PGBD5: variants seen among roughly 807,000 people sequenced by gnomAD.
PGBD5 encodes piggyBac transposable element-derived protein 5.
Under a neutral mutation model 47.9 loss-of-function variants are expected in PGBD5, and 14 were observed. The ratio of observed to expected loss-of-function variants is 0.29; its 90% CI spans 0.19 to 0.46. PGBD5 has a LOEUF of 0.46. Among genes scored for constraint, PGBD5 ranks in the 20% least tolerant of loss-of-function variants. The pLI is 1.00. For synonymous variants in PGBD5, 316 were observed against 306.3 expected (o/e 1.03, Z -0.33); for missense variants, 635 against 716.0 (o/e 0.89, Z 1.29).
At chr1:230,421,923 GAGAA>G (rs1657658056) in intron 1 of PGBD5, among the ~76,000 whole-genome samples, 1 of 152,126 alleles carries the variant, frequency 6.6e-6, no homozygotes, top group African/African-American at 2.4e-5. Context: ...CTGGTTTTGA[GAGAA>G]AGATTTTTCT....
rs4846960 is a variant in PGBD5 at position 230,404,113 on chromosome 1, C to T, written c.331+21485G>A. Reference sequence around the variant, plus strand: ...AGAGTGGAAGATGCCGGGTGGAAGGCGTCAAGCTATGAGACTGTGAGGGTG... The same window carrying T: ...AGAGTGGAAGATGCCGGGTGGAAGGTGTCAAGCTATGAGACTGTGAGGGTG... On this transcript the variant is annotated intron_variant, in intron 1 of 6. Coordinates refer to ENST00000391860, the MANE Select transcript of PGBD5 (RefSeq NM_001258311.2). 6.0e-3 allele frequency among the ~76,000 whole-genome samples: 906 copies of T among 152,098 alleles called. 16 individuals are homozygous for T. The East Asian group carries it at 0.073, about 12-fold the overall frequency.
intron 4 of PGBD5, chr1:230,335,966 C>G (rs1667319248): frequency 6.6e-6 from 1 of 151,840 alleles, no homozygotes; most frequent in Non-Finnish European, 1.5e-5. Flanking sequence ...CACACATACA[C>G]CCCTTCTACT....
chr1:230,393,511 G>A (rs1656841679), intron 1 of PGBD5, among the ~76,000 whole-genome samples: 1 of 152,084 alleles, frequency 6.6e-6, no homozygotes, highest in South Asian at 2.1e-4. Flanking sequence ...CAATCTTAGC[G>A]CCTGCTTTAA....
In PGBD5 at chr1:230,388,748, C is replaced by G. The variant is rs185660170; in HGVS notation, c.332-31427G>C. Among the ~76,000 whole-genome samples the G allele has an allele frequency of 5.3e-5, 8 of 152,332 alleles. No individual in the cohort carries two copies. The East Asian group carries it at 1.5e-3, about 29-fold the overall frequency. ...ACATTTTTAAATGCCCAAGAATGAA[C>G]TGCAGAGAGGGTGAGGCTGGGAGCC... On this transcript the variant is annotated intron_variant, in intron 1 of 6. Coordinates refer to ENST00000391860, the MANE Select transcript of PGBD5 (RefSeq NM_001258311.2).
intron 5 of PGBD5, among the ~76,000 whole-genome samples, chr1:230,330,805 T>C (rs1468886787): frequency 1.3e-5 from 2 of 152,184 alleles, no homozygotes; most frequent in Non-Finnish European, 2.9e-5. Context: ...TAAGGGACGC[T>C]AGGATTCTGA....
intron 1 of PGBD5, among the ~76,000 whole-genome samples, chr1:230,420,648 A>G (rs1657626980): frequency 1.3e-5 from 2 of 152,118 alleles, no homozygotes; most frequent in Admixed American, 6.6e-5. Context: ...GCAGCCATCC[A>G]TGTAAGATGT....
At chr1:230,370,925 G>C (rs1371043060) in intron 1 of PGBD5, among the ~76,000 whole-genome samples, 4 of 152,186 alleles carry the variant, frequency 2.6e-5, no homozygotes, top group South Asian at 4.1e-4. Context: ...AGACGGAGTA[G>C]GCACTCAAAA....
At position 230,368,328 on chromosome 1, in the gene PGBD5, C is replaced by T. The variant is rs371937776; in HGVS notation, c.332-11007G>A. Among the ~76,000 whole-genome samples, 106 of 152,366 alleles carry T rather than the reference C, an allele frequency of 7.0e-4. No individual in the cohort carries two copies. In the Middle Eastern group the frequency reaches 0.02, roughly 29 times the overall value. ...AAAGCAACCGGGAAGAGTGTGCGGCCCGGCAGGGCAGGACCAAGGAGTCTG... is the reference window on the plus strand; with the variant it reads ...AAAGCAACCGGGAAGAGTGTGCGGCTCGGCAGGGCAGGACCAAGGAGTCTG... On this transcript the variant is annotated intron_variant, in intron 1 of 6. Transcript: ENST00000391860.
rs1375005669 is a variant in PGBD5, at chr1:230,425,916, C to T, written c.13G>A (p.Gly5Ser). Residue 5 changes from glycine to serine, a missense_variant, in exon 1 of 7, where the codon GGC (glycine) becomes AGC (serine). Coordinates refer to ENST00000391860, the MANE Select transcript of PGBD5 (RefSeq NM_001258311.2). This position sits in a 1 kb window ranked among gnomAD's most constrained non-coding sequence, Gnocchi z 4.7. ...GGCGCCCTCCTCCGCGCGCCCCCGC[C>T]GCCCTCGGCCATGGCCCCGGCCGCC... MAEGGGGARRRAPAL... is the reference protein window; with the variant it reads MAEGSGGARRRAPAL... 1 of 1,123,126 alleles carries T rather than the reference C, an allele frequency of 8.9e-7. No individual in the cohort carries two copies. Among genetic ancestry groups the T allele is most frequent in the Non-Finnish European group, 1.1e-6 (1 of 920,982 alleles). 69.6% of individuals were successfully genotyped at this position (1,123,126 alleles called of 1,614,324 possible).
chr1:230,346,180 C>A, intron 3 of PGBD5, among the ~76,000 whole-genome samples: 1 of 152,124 alleles, frequency 6.6e-6, no homozygotes, highest in East Asian at 1.9e-4. Flanking sequence ...GTAGCTGGGT[C>A]TACAGATGTG....
intron 1 of PGBD5, among the ~76,000 whole-genome samples, chr1:230,396,811 C>T (rs969061741): frequency 5.3e-5 from 8 of 152,118 alleles, no homozygotes; most frequent in African/African-American, 1.7e-4. Context: ...CGGAAGCATA[C>T]ACTGGCGGAG....
At chr1:230,372,539 C>A (rs1373544048) in intron 1 of PGBD5, among the ~76,000 whole-genome samples, 2 of 152,300 alleles carry the variant, frequency 1.3e-5, no homozygotes, top group Non-Finnish European at 2.9e-5. Flanking sequence ...AGAGCACCTC[C>A]ACGTAAATGC....
chr1:230,331,895 C>T (rs1487869768), intron 5 of PGBD5, among the ~76,000 whole-genome samples: 1 of 151,714 alleles, frequency 6.6e-6, no homozygotes, highest in Admixed American at 6.6e-5. Flanking sequence ...GCTGGGGTCC[C>T]TTGATCGCAA....
intron 1 of PGBD5, among the ~76,000 whole-genome samples, chr1:230,401,794 G>A (rs1415726324): frequency 2.0e-5 from 3 of 152,160 alleles, no homozygotes; most frequent in African/African-American, 7.2e-5. Context: ...GGGCTTGGAG[G>A]CGCCCTGGCA....
chr1:230,387,959 C>A (rs993205374), intron 1 of PGBD5, among the ~76,000 whole-genome samples: 1 of 152,092 alleles, frequency 6.6e-6, no homozygotes, highest in Non-Finnish European at 1.5e-5. Flanking sequence ...GTATTTTGAC[C>A]CAGGCCAGTG....
At chr1:230,358,590 C>G (rs530328345) in intron 1 of PGBD5, among the ~76,000 whole-genome samples, 1 of 152,132 alleles carries the variant, frequency 6.6e-6, no homozygotes, top group South Asian at 2.1e-4. Context: ...CACACCTCCC[C>G]GCCCCCCCAC....
At chr1:230,393,374 G>A (rs1018324257) in intron 1 of PGBD5, among the ~76,000 whole-genome samples, 2 of 151,854 alleles carry the variant, frequency 1.3e-5, no homozygotes, top group African/African-American at 4.8e-5. Flanking sequence ...GCGGGGATGC[G>A]AGGAGGAGGA....
At chr1:230,328,304 G>A (rs1231133325) in intron 5 of PGBD5, among the ~76,000 whole-genome samples, 1 of 152,096 alleles carries the variant, frequency 6.6e-6, no homozygotes, top group Non-Finnish European at 1.5e-5. Flanking sequence ...TAACATGGGG[G>A]TTTCAGCTTG....
At chr1:230,400,128 C>T (rs1478889313) in intron 1 of PGBD5, among the ~76,000 whole-genome samples, 1 of 152,194 alleles carries the variant, frequency 6.6e-6, no homozygotes, top group Non-Finnish European at 1.5e-5. Flanking sequence ...TCTCTGACCG[C>T]CTTCCTCCTT....
Sources: gnomAD v4.1 joint callset for allele counts (sites outside exome capture counted in the v4.1 genomes callset) on GRCh38, gnomAD v4.1.1 for gene constraint, Gnocchi (gnomAD v3.1) non-coding constraint, MANE v1.5 for transcripts, NCBI Gene and HGNC (gene_info 2026-07-23, HGNC 2026-07-21) for gene names.